The following PCDH9 variants were observed in gnomAD, a reference collection of about 807,000 sequenced individuals.
PCDH9 encodes protocadherin-9.
PCDH9 carries 24 observed loss-of-function variants against 70.6 expected under a neutral mutation model. The ratio of observed to expected loss-of-function variants is 0.34; its 90% CI spans 0.25 to 0.48. PCDH9 has a LOEUF of 0.48. PCDH9 is among the 20% of genes least tolerant of loss of function. The pLI, the probability that PCDH9 is intolerant of heterozygous loss-of-function variation, is 0.99. For missense variants in PCDH9, 1,281 were observed against 1,503.6 expected (o/e 0.85, Z 2.45); for synonymous variants, 562 against 558.5 (o/e 1.01, Z -0.09).
intron 2 of PCDH9, chr13:67,223,242 CAAGAA>C (rs2089772977): frequency 6.6e-6 from 1 of 152,062 alleles, no homozygotes; most frequent in Non-Finnish European, 1.5e-5. Context: ...GACTAAGCCT[CAAGAA>C]AAGATCTCTT....
chr13:67,084,116 A>G (rs2086043966), intron 2 of PCDH9, among the ~76,000 whole-genome samples: 1 of 152,176 alleles, frequency 6.6e-6, no homozygotes, highest in Non-Finnish European at 1.5e-5. Flanking sequence ...CAAGAAGGTA[A>G]TAGCAGCTTG....
intron 2 of PCDH9, chr13:67,216,686 A>ATATATATATATATATATATATG: frequency 9.3e-6 from 1 of 108,106 alleles, no homozygotes; most frequent in African/African-American, 3.0e-5. Flanking sequence ...TAAGCAACAT[A>ATATATATATATATATATATATG]TATATATATA....
At chr13:66,503,328 G>A (rs1959186803) in intron 4 of PCDH9, among the ~76,000 whole-genome samples, 1 of 152,064 alleles carries the variant, frequency 6.6e-6, no homozygotes, top group South Asian at 2.1e-4. Context: ...GAGAGGGCCT[G>A]TTTAAAATAC....
intron 2 of PCDH9, among the ~76,000 whole-genome samples, chr13:67,031,645 T>C (rs575511291): frequency 1.3e-5 from 2 of 152,352 alleles, no homozygotes; most frequent in Non-Finnish European, 2.9e-5. Context: ...ATCGTGCCAC[T>C]GCACTCCAGG....
At chr13:66,525,766 C>G (rs1383096895) in intron 4 of PCDH9, among the ~76,000 whole-genome samples, 3 of 152,112 alleles carry the variant, frequency 2.0e-5, no homozygotes, top group Admixed American at 6.6e-5. Context: ...TTGCATCTTC[C>G]AAGAATGCTT....
intron 3 of PCDH9, among the ~76,000 whole-genome samples, chr13:66,725,051 G>GAAATTT (rs1237631389): frequency 6.6e-6 from 1 of 152,010 alleles, no homozygotes; most frequent in African/African-American, 2.4e-5. Flanking sequence ...TTCACACTCA[G>GAAATTT]AAATTTAATG....
intron 4 of PCDH9, among the ~76,000 whole-genome samples, chr13:66,319,434 CA>C (rs1224379686): frequency 6.6e-6 from 1 of 150,844 alleles, no homozygotes; most frequent in Non-Finnish European, 1.5e-5. Context: ...AGGCATTTAT[CA>C]AATCACAATG....
chr13:66,873,906 T>C (rs1355854480), intron 3 of PCDH9, among the ~76,000 whole-genome samples: 2 of 151,158 alleles, frequency 1.3e-5, no homozygotes, highest in African/African-American at 4.9e-5. Flanking sequence ...TTTCTTCTTT[T>C]TCTTTTCGTT....
intron 2 of PCDH9, among the ~76,000 whole-genome samples, chr13:66,928,487 GC>G (rs1223460551): frequency 1.3e-5 from 2 of 152,080 alleles, no homozygotes; most frequent in South Asian, 2.1e-4. Context: ...ATTACACATT[GC>G]TATAGTCTGA....
intron 2 of PCDH9, among the ~76,000 whole-genome samples, chr13:67,055,805 A>C (rs974472844): frequency 2.0e-5 from 3 of 152,082 alleles, no homozygotes; most frequent in Non-Finnish European, 2.9e-5. Flanking sequence ...TCCAAAAAAA[A>C]CCCTTAAAAA....
intron 4 of PCDH9, among the ~76,000 whole-genome samples, chr13:66,380,579 T>G (rs922529372): frequency 6.8e-6 from 1 of 146,610 alleles, no homozygotes; most frequent in South Asian, 2.2e-4. Context: ...AGTCTTGCTC[T>G]GTTGCCCAGG....
At chr13:66,850,745 A>G (rs1039219767) in intron 3 of PCDH9, among the ~76,000 whole-genome samples, 10 of 152,342 alleles carry the variant, frequency 6.6e-5, no homozygotes, top group African/African-American at 2.4e-4. Context: ...AATGACTGCA[A>G]ATTCTGACAT....
chr13:66,698,975 T>C (rs749172690), intron 3 of PCDH9, among the ~76,000 whole-genome samples: 4 of 142,466 alleles, frequency 2.8e-5, no homozygotes, highest in Non-Finnish European at 4.5e-5. Context: ...AGTGCAATGG[T>C]GCAATCTCGG....
At chr13:66,864,112 C>T (rs760634099) in intron 3 of PCDH9, among the ~76,000 whole-genome samples, 41 of 152,002 alleles carry the variant, frequency 2.7e-4, no homozygotes, top group Non-Finnish European at 5.1e-4. Context: ...AATTATCCTC[C>T]CAGGACACAT....
chr13:66,421,694 G>A (rs567270967), intron 4 of PCDH9, among the ~76,000 whole-genome samples: 1 of 152,276 alleles, frequency 6.6e-6, no homozygotes, highest in South Asian at 2.1e-4. Context: ...ACCGGTACCA[G>A]CCACTGCAAA....
chr13:67,156,932 C>G (rs1217214991), intron 2 of PCDH9, among the ~76,000 whole-genome samples: 1 of 152,196 alleles, frequency 6.6e-6, no homozygotes, highest in African/African-American at 2.4e-5. Context: ...ACTACTGAAC[C>G]TTTCCCGTTT....
At chr13:66,380,846 C>A (rs1956836286) in intron 4 of PCDH9, among the ~76,000 whole-genome samples, 2 of 152,124 alleles carry the variant, frequency 1.3e-5, no homozygotes, top group Non-Finnish European at 2.9e-5. Flanking sequence ...CCAGCCAGAT[C>A]TTGGTTGTTT....
intron 3 of PCDH9, among the ~76,000 whole-genome samples, chr13:66,785,520 C>T (rs9571670): frequency 0.27 from 40,185 of 151,212 alleles, 5,832 homozygotes; most frequent in East Asian, 0.43. Context: ...TGGAGATATC[C>T]TAGAAGTATT....
chr13:67,141,515 A>T (rs1297347995), intron 2 of PCDH9, among the ~76,000 whole-genome samples: 1 of 152,000 alleles, frequency 6.6e-6, no homozygotes, highest in Non-Finnish European at 1.5e-5. Flanking sequence ...ATGTCAGCTC[A>T]GTGCAACCTC....
Sources: allele counts gnomAD v4.1 joint callset (sites outside exome capture counted in the v4.1 genomes callset), GRCh38; gene constraint gnomAD v4.1.1; transcripts MANE v1.5; gene names NCBI Gene and HGNC (gene_info 2026-07-23, HGNC 2026-07-21).